Variants in PLPPR5 observed in about 807,000 individuals in gnomAD.
PLPPR5 encodes phospholipid phosphatase related 5.
PLPPR5 carries 16 observed loss-of-function variants against 33.9 expected under a neutral mutation model. That is an observed-to-expected ratio of 0.47 (90% CI 0.32 to 0.72). The LOEUF is 0.72. Among genes scored for constraint, PLPPR5 ranks in the 30% least tolerant of loss-of-function variants. The pLI is 0.03. For synonymous variants in PLPPR5, 163 were observed against 150.3 expected (o/e 1.08, Z -0.62); for missense variants, 301 against 406.7 (o/e 0.74, Z 2.23).
At chr1:98,897,460 T>G (rs753755070) in intron 5 of PLPPR5, among the ~76,000 whole-genome samples, 16 of 152,214 alleles carry the variant, frequency 1.1e-4, no homozygotes, top group South Asian at 6.2e-4. Flanking sequence ...AAAGTACTGG[T>G]TTATTTAAAG....
chr1:98,940,964 T>G (rs1183899682), intron 3 of PLPPR5, among the ~76,000 whole-genome samples: 1 of 151,786 alleles, frequency 6.6e-6, no homozygotes, highest in Non-Finnish European at 1.5e-5. Flanking sequence ...GATCATGGTT[T>G]CGGTTTTTGA....
chr1:98,957,137 GAGA>G (rs1296452999), intron 1 of PLPPR5, among the ~76,000 whole-genome samples: 4 of 146,256 alleles, frequency 2.7e-5, no homozygotes, highest in African/African-American at 1.0e-4. Context: ...AGTGAACAAT[GAGA>G]ACACATGGAC....
At position 98,914,838 on chromosome 1, in the gene PLPPR5, A is replaced by G. The variant is rs143279943; in HGVS notation, c.881T>C (p.Met294Thr). The G allele has an allele frequency of 1.2e-6, 2 of 1,613,364 alleles. No individual in the cohort carries two copies. Among genetic ancestry groups the G allele is most frequent in the Non-Finnish European group, 8.5e-7 (1 of 1,179,710 alleles). Residue 294 changes from methionine (M) to threonine (T), a missense_variant, in exon 5 of 6, where the codon ATG becomes ACG. Met to Thr is a moderately conservative substitution (Grantham distance 81, BLOSUM62 -1). Coordinates refer to ENST00000263177, the MANE Select transcript of PLPPR5 (RefSeq NM_001037317.2). Reference protein sequence around the residue: ...IHMDNLAQMPMISIPRVESPL... With the variant: ...IHMDNLAQMPTISIPRVESPL... Reference sequence around the variant, plus strand: ...ACTTTCTACTCGAGGAATGCTGATCATTGGCATCTGTGCCAGATTATCCAT... The same window carrying G: ...ACTTTCTACTCGAGGAATGCTGATCGTTGGCATCTGTGCCAGATTATCCAT...
In PLPPR5 at chr1:98,921,978, T is replaced by A. The variant is rs757628900; in HGVS notation, c.702A>T (p.Ala234=). 2 of 1,613,656 alleles carry A rather than the reference T, an allele frequency of 1.2e-6. No homozygotes were observed. Among genetic ancestry groups the A allele is most frequent in the South Asian group, 2.2e-5 (2 of 91,086 alleles). ...CTACTCTGTTGAGTCCAGTAAGAAA[T>A]GCCAAACACATTAAGCCCAAGCATA... is the stretch of plus-strand genomic sequence containing the variant. ...PVLCLGLMCL[A]FLTGLNRVAE... Residue 234 remains alanine (A), a synonymous_variant, in exon 4 of 6, where the codon GCA becomes GCT. Transcript: ENST00000263177.
At chr1:98,986,144 A>T (rs916367240) in intron 1 of PLPPR5, among the ~76,000 whole-genome samples, 1 of 151,990 alleles carries the variant, frequency 6.6e-6, no homozygotes, top group African/African-American at 2.4e-5. Context: ...ATGGATATTT[A>T]TGAAACATCT....
chr1:98,959,913 A>C (rs527421743), intron 1 of PLPPR5, among the ~76,000 whole-genome samples: 1 of 152,082 alleles, frequency 6.6e-6, no homozygotes, highest in Non-Finnish European at 1.5e-5. Flanking sequence ...TGTCCATCAC[A>C]TCTTGCTGGA....
intron 3 of PLPPR5, among the ~76,000 whole-genome samples, chr1:98,924,289 A>G (rs971356257): frequency 2.6e-5 from 4 of 152,218 alleles, no homozygotes; most frequent in Non-Finnish European, 2.9e-5. Flanking sequence ...TATTATGAAG[A>G]GTACACAATT....
rs568077641 is a variant in PLPPR5, at chr1:98,952,530, C to T, written c.621+540G>A. 1.5e-3 allele frequency among the ~76,000 whole-genome samples: 221 copies of T among 152,122 alleles called. 2 individuals carry two copies. The highest frequency in any genetic ancestry group is 8.9e-3 in the South Asian group (43 of 4,822). On this transcript the variant is annotated intron_variant, in intron 3 of 5. Coordinates refer to ENST00000263177, the MANE Select transcript of PLPPR5 (RefSeq NM_001037317.2). Reference sequence around the variant, plus strand: ...CTGGCTCTTGCCACTAAGATGGTGGCCAATACTCTCAAGACTAAAGGAAAA... The same window carrying T: ...CTGGCTCTTGCCACTAAGATGGTGGTCAATACTCTCAAGACTAAAGGAAAA...
intron 1 of PLPPR5, among the ~76,000 whole-genome samples, chr1:98,971,084 T>G (rs747926702): frequency 1.5e-4 from 23 of 152,090 alleles, no homozygotes; most frequent in Non-Finnish European, 2.4e-4. Context: ...GTGGGCAGTG[T>G]GATGAGGCCT....
At chr1:98,981,599 C>G (rs1329181179) in intron 1 of PLPPR5, among the ~76,000 whole-genome samples, 1 of 152,066 alleles carries the variant, frequency 6.6e-6, no homozygotes, top group Non-Finnish European at 1.5e-5. Flanking sequence ...ATACAGGGAT[C>G]CTTTCTTCTA....
intron 3 of PLPPR5, among the ~76,000 whole-genome samples, chr1:98,946,472 C>T (rs369002497): frequency 5.5e-4 from 84 of 152,260 alleles, no homozygotes; most frequent in African/African-American, 1.9e-3. Context: ...CAAATGTACA[C>T]CCTCGTGCTG....
Position 98,956,675 on chromosome 1 carries a change from T to A in PLPPR5, c.304A>T (p.Lys102Ter). The change falls in exon 2 of 6, where the codon AAA (lysine) becomes TAA (stop). Residue 102 changes from lysine (K) to a stop codon, truncating the protein, a stop_gained. Coordinates refer to ENST00000263177, the MANE Select transcript of PLPPR5 (RefSeq NM_001037317.2). LOFTEE classifies it high-confidence loss of function. ...LATRDFENQE[K>*]TILTGDCCYI... ...CAACAGTCTCCAGTTAAAATAGTTTTTTCCTGGTTTTCAAAATCCCTTGTG... is the reference window on the plus strand; with the variant it reads ...CAACAGTCTCCAGTTAAAATAGTTTATTCCTGGTTTTCAAAATCCCTTGTG... 6.2e-7 allele frequency: 1 copy of A among 1,602,090 alleles called. No individual in the cohort carries two copies.
intron 1 of PLPPR5, chr1:98,991,365 A>AG (rs971225266): frequency 1.3e-5 from 2 of 152,106 alleles, no homozygotes; most frequent in African/African-American, 4.8e-5. Context: ...TAATGCATTG[A>AG]GAAAAAAAAA....
chr1:98,962,460 A>G (rs911863258), intron 1 of PLPPR5, among the ~76,000 whole-genome samples: 3 of 152,194 alleles, frequency 2.0e-5, no homozygotes, highest in Non-Finnish European at 4.4e-5. Context: ...TGTTGATTAT[A>G]TATCTTAATT....
At position 98,960,206 on chromosome 1, in the gene PLPPR5, T is replaced by C. The variant is rs551356005; in HGVS notation, c.238-3465A>G. ...TACTGCTCTCAGATAATAATAATAATTATTATTATTATTTTGAGATGAAGT... is the reference window on the plus strand; with the variant it reads ...TACTGCTCTCAGATAATAATAATAACTATTATTATTATTTTGAGATGAAGT... On this transcript the variant is annotated intron_variant, in intron 1 of 5. Coordinates refer to ENST00000263177, the MANE Select transcript of PLPPR5 (RefSeq NM_001037317.2). Among the ~76,000 whole-genome samples the C allele has an allele frequency of 2.6e-5, 4 of 151,682 alleles. No homozygotes were observed. In the South Asian group the frequency reaches 8.4e-4, roughly 32 times the overall value.
At chr1:98,960,970 T>C (rs145687301) in intron 1 of PLPPR5, among the ~76,000 whole-genome samples, 13 of 152,286 alleles carry the variant, frequency 8.5e-5, no homozygotes, top group Admixed American at 2.0e-4. Flanking sequence ...CAATTTTGGT[T>C]CAAAGATTCT....
intron 1 of PLPPR5, among the ~76,000 whole-genome samples, chr1:98,963,953 GTCT>G (rs1299130052): frequency 3.9e-5 from 6 of 152,096 alleles, no homozygotes; most frequent in African/African-American, 1.4e-4. Context: ...ATGTCTTCAT[GTCT>G]TCTTTGCATA....
chr1:99,001,687 T>C (rs1045287194), intron 1 of PLPPR5, among the ~76,000 whole-genome samples: 1 of 143,746 alleles, frequency 7.0e-6, no homozygotes, highest in African/African-American at 2.5e-5. Context: ...TATATATATA[T>C]ATATATATAT....
At chr1:99,003,039 T>C (rs1241214079) in intron 1 of PLPPR5, among the ~76,000 whole-genome samples, 9 of 133,548 alleles carry the variant, frequency 6.7e-5, no homozygotes, top group African/African-American at 2.5e-4. Context: ...TCTAACACAT[T>C]TTAGCAACTT....
Sources: gnomAD v4.1 joint callset for allele counts (sites outside exome capture counted in the v4.1 genomes callset) on GRCh38, gnomAD v4.1.1 for gene constraint, MANE v1.5 for transcripts, NCBI Gene and HGNC (gene_info 2026-07-23, HGNC 2026-07-21) for gene names.